Variants in MDGA2 observed in about 807,000 individuals in gnomAD.
MDGA2 encodes MAM domain containing glycosylphosphatidylinositol anchor 2, also known as MAM domain-containing glycosylphosphatidylinositol anchor protein 2.
A neutral mutation model predicts 117.8 loss-of-function variants in MDGA2; 40 were observed. The ratio of observed to expected loss-of-function variants is 0.34; its 90% CI spans 0.26 to 0.44. The LOEUF (loss-of-function observed/expected upper bound fraction) is 0.44. MDGA2 is among the 20% of genes least tolerant of loss of function. The pLI is 1.00. For missense variants in MDGA2, 1,123 were observed against 1,250.6 expected, an observed-to-expected ratio of 0.90 and a Z score of 1.54; for synonymous variants, 452 against 439.0, an observed-to-expected ratio of 1.03 and a Z score of -0.37.
chr14:47,160,433 C>T (rs1424413225), intron 3 of MDGA2, among the ~76,000 whole-genome samples: 1 of 152,082 alleles, frequency 6.6e-6, no homozygotes, highest in Non-Finnish European at 1.5e-5. Flanking sequence ...GTGGCTCATG[C>T]CTATAATCCC....
intron 1 of MDGA2, among the ~76,000 whole-genome samples, chr14:47,643,719 C>T (rs1179522726): frequency 6.6e-6 from 1 of 152,104 alleles, no homozygotes; most frequent in Admixed American, 6.5e-5. Flanking sequence ...TAATAATCTT[C>T]ATTTGATAGA....
At chr14:47,141,636 A>G (rs919138153) in intron 4 of MDGA2, among the ~76,000 whole-genome samples, 2 of 152,160 alleles carry the variant, frequency 1.3e-5, no homozygotes, top group Admixed American at 6.6e-5. Flanking sequence ...GACAAATACT[A>G]TATTATCTAC....
chr14:47,636,533 C>T (rs1401207196), intron 1 of MDGA2, among the ~76,000 whole-genome samples: 1 of 152,078 alleles, frequency 6.6e-6, no homozygotes, highest in Admixed American at 6.5e-5. Context: ...CTTGTAATCC[C>T]AGCACTTTGG....
chr14:47,571,252 C>T (rs1896013531), intron 1 of MDGA2, among the ~76,000 whole-genome samples: 1 of 152,078 alleles, frequency 6.6e-6, no homozygotes, highest in African/African-American at 2.4e-5. Context: ...AGCCAGGAAA[C>T]AATAGATGCT....
intron 8 of MDGA2, among the ~76,000 whole-genome samples, chr14:46,974,859 T>C (rs1014888230): frequency 1.3e-5 from 2 of 151,988 alleles, no homozygotes; most frequent in African/African-American, 4.8e-5. Flanking sequence ...AGAAAACAAA[T>C]GGAATTCGTA....
intron 1 of MDGA2, among the ~76,000 whole-genome samples, chr14:47,392,359 C>T (rs561207087): frequency 6.6e-6 from 1 of 151,986 alleles, no homozygotes; most frequent in Non-Finnish European, 1.5e-5. Context: ...AATAAAATAT[C>T]TAGTTTTGCT....
chr14:47,544,812 C>A (rs963498890), intron 1 of MDGA2, among the ~76,000 whole-genome samples: 1 of 152,068 alleles, frequency 6.6e-6, no homozygotes. Context: ...CTGTAGATAC[C>A]ATGACAGTAA....
chr14:47,548,473 A>G (rs1439476046), intron 1 of MDGA2, among the ~76,000 whole-genome samples: 1 of 152,070 alleles, frequency 6.6e-6, no homozygotes, highest in Non-Finnish European at 1.5e-5. Context: ...CTAATCCAGA[A>G]AGTCTATATA....
intron 9 of MDGA2, among the ~76,000 whole-genome samples, chr14:46,948,807 C>T (rs1249396847): frequency 6.6e-6 from 1 of 151,986 alleles, no homozygotes; most frequent in East Asian, 1.9e-4. Flanking sequence ...TCAGACAAGC[C>T]ACAAAATATT....
intron 2 of MDGA2, among the ~76,000 whole-genome samples, chr14:47,237,007 G>A (rs1482765828): frequency 6.6e-6 from 1 of 152,054 alleles, no homozygotes; most frequent in Non-Finnish European, 1.5e-5. Context: ...CCCTGAATGT[G>A]GAGTACTTAT....
At chr14:46,869,389 A>G (rs1323767020) in intron 14 of MDGA2, among the ~76,000 whole-genome samples, 1 of 145,520 alleles carries the variant, frequency 6.9e-6, no homozygotes, top group African/African-American at 2.6e-5. Flanking sequence ...TTAGAAATTC[A>G]GTGGATTCAT....
chr14:47,085,162 T>C (rs1389336487), intron 6 of MDGA2, among the ~76,000 whole-genome samples: 1 of 151,964 alleles, frequency 6.6e-6, no homozygotes, highest in African/African-American at 2.4e-5. Context: ...ATAGTATACC[T>C]AAAGGAACAT....
intron 1 of MDGA2, among the ~76,000 whole-genome samples, chr14:47,489,655 T>A (rs1004445286): frequency 3.3e-5 from 5 of 152,110 alleles, no homozygotes; most frequent in African/African-American, 1.2e-4. Context: ...ATGCTATTTA[T>A]CTGATAGAAA....
intron 8 of MDGA2, among the ~76,000 whole-genome samples, chr14:46,968,835 TAAA>T (rs759219093): frequency 1.9e-5 from 2 of 105,850 alleles, no homozygotes; most frequent in African/African-American, 3.5e-5. Context: ...AGACTCTGTC[TAAA>T]AAAAAAAAAA....
At chr14:47,179,036 T>A (rs1037205350) in intron 3 of MDGA2, among the ~76,000 whole-genome samples, 2 of 152,078 alleles carry the variant, frequency 1.3e-5, no homozygotes, top group African/African-American at 4.8e-5. Flanking sequence ...AGATAACCGG[T>A]CTATATATCA....
intron 7 of MDGA2, among the ~76,000 whole-genome samples, chr14:47,046,038 G>A (rs1889252051): frequency 1.3e-5 from 2 of 151,132 alleles, no homozygotes; most frequent in Admixed American, 1.3e-4. Context: ...AGCATTAGGT[G>A]ATATACCTAA....
At chr14:46,928,309 C>T (rs1452564972) in intron 9 of MDGA2, among the ~76,000 whole-genome samples, 1 of 152,024 alleles carries the variant, frequency 6.6e-6, no homozygotes, top group Non-Finnish European at 1.5e-5. Flanking sequence ...ATGTCTAAAG[C>T]ATTTTTATGA....
chr14:46,988,692 A>G (rs1886960080), intron 8 of MDGA2, among the ~76,000 whole-genome samples: 1 of 152,038 alleles, frequency 6.6e-6, no homozygotes, highest in South Asian at 2.1e-4. Flanking sequence ...GGATGGATGG[A>G]GTAGAGCTTT....
chr14:47,525,170 G>T (rs1894945571), intron 1 of MDGA2, among the ~76,000 whole-genome samples: 1 of 152,144 alleles, frequency 6.6e-6, no homozygotes, highest in African/African-American at 2.4e-5. Context: ...CAAGAAAATT[G>T]CCTTTTCATC....
Sources: gnomAD v4.1 joint callset for allele counts (sites outside exome capture counted in the v4.1 genomes callset) on GRCh38, gnomAD v4.1.1 for gene constraint, MANE v1.5 for transcripts, NCBI Gene and HGNC (gene_info 2026-07-23, HGNC 2026-07-21) for gene names.